Variants in LRP1B observed in about 807,000 individuals in gnomAD.
LRP1B encodes the protein LDL receptor related protein 1B.
Under a neutral mutation model 556.6 loss-of-function variants are expected in LRP1B, and 217 were observed. The ratio of observed to expected loss-of-function variants is 0.39; its 90% CI spans 0.35 to 0.44. The LOEUF (loss-of-function observed/expected upper bound fraction) is 0.44. LRP1B is among the 20% of genes least tolerant of loss of function. The probability of loss-of-function intolerance (pLI) is 1.00; values close to 1 mark genes in which losing one functional copy is unlikely to be tolerated. For missense variants in LRP1B, 5,053 were observed against 5,620.8 expected (o/e 0.90, Z 3.23); for synonymous variants, 2,047 against 1,865.8 (o/e 1.10, Z -2.50).
intron 7 of LRP1B, among the ~76,000 whole-genome samples, chr2:141,115,634 T>TGTGTGC (rs1700875579): frequency 9.5e-6 from 1 of 105,650 alleles, no homozygotes; most frequent in Admixed American, 9.7e-5. Context: ...TTTGTGTGTG[T>TGTGTGC]GTGTGTGTGT....
intron 21 of LRP1B, among the ~76,000 whole-genome samples, chr2:140,921,087 C>T (rs552175697): frequency 5.3e-5 from 8 of 151,842 alleles, no homozygotes; most frequent in Non-Finnish European, 7.4e-5. Context: ...TTTACTTAAT[C>T]GTACTATTTA....
At chr2:140,369,142 G>C (rs1013402599) in intron 71 of LRP1B, among the ~76,000 whole-genome samples, 4 of 151,732 alleles carry the variant, frequency 2.6e-5, no homozygotes, top group African/African-American at 9.7e-5. Context: ...AGTAAGTCTG[G>C]GAGGATAAAA....
intron 2 of LRP1B, among the ~76,000 whole-genome samples, chr2:141,655,386 A>G (rs890796949): frequency 6.6e-6 from 1 of 152,158 alleles, no homozygotes; most frequent in African/African-American, 2.4e-5. Flanking sequence ...GCCCTCCCTG[A>G]TGTTATTAGA....
rs572463003 is a variant in LRP1B at position 141,009,853 on chromosome 2, G to C, written c.2380+3703C>G. On this transcript the variant is annotated intron_variant, in intron 14 of 90. Transcript: ENST00000389484. ...AAGTATAGTAGATATAAAATTTTGA[G>C]AAATTAAATTGGCCACACAAATTAA... Among the ~76,000 whole-genome samples the C allele has an allele frequency of 2.6e-5, 4 of 151,840 alleles. No homozygotes were observed. In the South Asian group the frequency reaches 8.3e-4, roughly 32 times the overall value.
chr2:142,103,934 T>C (rs1397502778), intron 1 of LRP1B, among the ~76,000 whole-genome samples: 1 of 152,122 alleles, frequency 6.6e-6, no homozygotes, highest in Non-Finnish European at 1.5e-5. Context: ...CTCACAAGTG[T>C]CTGATCAGTA....
chr2:141,175,340 T>C (rs111228542), intron 7 of LRP1B, among the ~76,000 whole-genome samples: 13 of 152,262 alleles, frequency 8.5e-5, no homozygotes, highest in African/African-American at 2.9e-4. Flanking sequence ...ACCACAGGCC[T>C]TGAGGCCTAT....
intron 4 of LRP1B, 45 bp from the exon 5 acceptor site, chr2:141,247,399 G>A (rs1208225461): frequency 6.3e-7 from 1 of 1,591,974 alleles, no homozygotes; most frequent in Admixed American, 1.7e-5. Context: ...TTTATCTTGG[G>A]CACTTTTTTT....
At chr2:140,679,520 C>T (rs6748372) in intron 41 of LRP1B, among the ~76,000 whole-genome samples, 143,422 of 152,256 alleles carry the variant, frequency 0.94, 67,834 homozygotes, top group Non-Finnish European at 0.98. Context: ...TGTTTTTTAC[C>T]AGTACGTAGC....
At chr2:140,493,778 G>A (rs1429890948) in intron 56 of LRP1B, among the ~76,000 whole-genome samples, 7 of 151,796 alleles carry the variant, frequency 4.6e-5, no homozygotes, top group Admixed American at 3.9e-4. Flanking sequence ...TTTTAGTTTT[G>A]TAATTAATAT....
intron 2 of LRP1B, among the ~76,000 whole-genome samples, chr2:141,795,857 A>AAAAAAT (rs1491180183): frequency 1.2e-3 from 64 of 51,600 alleles, no homozygotes; most frequent in African/African-American, 4.5e-3. Flanking sequence ...AACCAGGAGC[A>AAAAAAT]ATATATATAT....
chr2:141,310,604 C>G (rs2714170), intron 3 of LRP1B, among the ~76,000 whole-genome samples: 19,284 of 152,082 alleles, frequency 0.13, 1,268 homozygotes, highest in South Asian at 0.22. Flanking sequence ...TCTTTTCTCT[C>G]TCTCTCTCAG....
At chr2:141,396,030 A>G (rs1175322337) in intron 3 of LRP1B, among the ~76,000 whole-genome samples, 1 of 152,224 alleles carries the variant, frequency 6.6e-6, no homozygotes, top group African/African-American at 2.4e-5. Context: ...GGAAGCTGAC[A>G]AGACTAAAGC....
At chr2:140,431,149 G>T (rs1183749923) in intron 66 of LRP1B, among the ~76,000 whole-genome samples, 1 of 152,086 alleles carries the variant, frequency 6.6e-6, no homozygotes, top group African/African-American at 2.4e-5. Context: ...CAGGCTTTTA[G>T]TATTCAGTGA....
intron 3 of LRP1B, among the ~76,000 whole-genome samples, chr2:141,386,448 A>T (rs1689838263): frequency 1.3e-5 from 2 of 152,102 alleles, no homozygotes; most frequent in Non-Finnish European, 2.9e-5. Context: ...AAAAAGCATG[A>T]TCCAACCTAT....
Position 140,487,756 on chromosome 2 carries a change from CTA to C in LRP1B, c.9121-19_9121-18del, listed in dbSNP as rs532819711. ...GTTTAATCCCTGAAAATAAAAAAGA[CTA>C]TGTTGTCAATGATAGTTCATAGAAA... is the stretch of plus-strand genomic sequence containing the variant. On this transcript the variant is annotated intron_variant, in intron 57 of 90. Transcript: ENST00000389484. 1.8e-3 allele frequency: 2,584 copies of C among 1,473,400 alleles called. 9 individuals are homozygous for C. Among genetic ancestry groups the C allele is most frequent in the Non-Finnish European group, 2.2e-3 (2,386 of 1,075,316 alleles). The allele number at this position is 1,473,400 out of a possible 1,614,324, so 91.3% of individuals were successfully genotyped here. A position where few individuals can be genotyped will look rare whatever the true frequency, so the allele number is the denominator to read the frequency against.
intron 66 of LRP1B, among the ~76,000 whole-genome samples, chr2:140,417,753 T>C (rs1573914207): frequency 6.6e-6 from 1 of 152,180 alleles, no homozygotes; most frequent in African/African-American, 2.4e-5. Flanking sequence ...ACATCACCTA[T>C]AGAGAAATGT....
At chr2:140,342,133 A>C (rs2105098159) in intron 77 of LRP1B, among the ~76,000 whole-genome samples, 1 of 151,616 alleles carries the variant, frequency 6.6e-6, no homozygotes, top group South Asian at 2.1e-4. Flanking sequence ...TCATTTTGCC[A>C]CATATAATTT....
intron 18 of LRP1B, among the ~76,000 whole-genome samples, chr2:140,969,349 C>A (rs1027601038): frequency 6.6e-6 from 1 of 152,132 alleles, no homozygotes; most frequent in Non-Finnish European, 1.5e-5. Flanking sequence ...AGGATTGCAA[C>A]CCTTGCCTTT....
At chr2:141,041,737 A>G (rs1698706165) in intron 11 of LRP1B, among the ~76,000 whole-genome samples, 1 of 152,124 alleles carries the variant, frequency 6.6e-6, no homozygotes, top group African/African-American at 2.4e-5. Context: ...AAGATTCTGA[A>G]TGGTCACAAC....
Sources: gnomAD v4.1 joint callset for allele counts (sites outside exome capture counted in the v4.1 genomes callset) on GRCh38, gnomAD v4.1.1 for gene constraint, MANE v1.5 for transcripts, NCBI Gene and HGNC (gene_info 2026-07-23, HGNC 2026-07-21) for gene names.